EBAG9: variants seen among roughly 807,000 people sequenced by gnomAD.
EBAG9 encodes the protein estrogen receptor binding site associated antigen 9, also known as receptor-binding cancer antigen expressed on SiSo cells.
In EBAG9, 16 loss-of-function variants were observed where a neutral mutation model predicts 30.9. The observed-to-expected ratio is 0.52, with a 90% CI of 0.35 to 0.79. EBAG9 has a LOEUF of 0.79. EBAG9 is among the 30% of genes least tolerant of loss of function. EBAG9 has a pLI of 0.01. For missense variants in EBAG9, 197 were observed against 242.1 expected, an observed-to-expected ratio of 0.81 and a Z score of 1.24; for synonymous variants, 93 against 82.8, an observed-to-expected ratio of 1.12 and a Z score of -0.67.
chr8:109,544,663 T>G (rs1821347614), intron 1 of EBAG9, among the ~76,000 whole-genome samples: 2 of 152,212 alleles, frequency 1.3e-5, no homozygotes, highest in South Asian at 2.1e-4. Context: ...AGTAATGTTA[T>G]TCCTGTAAGT....
intron 1 of EBAG9, among the ~76,000 whole-genome samples, chr8:109,544,996 A>G (rs532445374): frequency 2.0e-5 from 3 of 152,240 alleles, no homozygotes; most frequent in East Asian, 1.9e-4. Flanking sequence ...ACTAAGATGT[A>G]TAAGAAAAAT....
intron 4 of EBAG9, among the ~76,000 whole-genome samples, chr8:109,555,795 T>G (rs1821586585): frequency 6.6e-6 from 1 of 152,186 alleles, no homozygotes; most frequent in Admixed American, 6.6e-5. Context: ...TGCTTGAGTA[T>G]TTTCGTTTTT....
At chr8:109,555,565 G>A (rs1460102012) in intron 4 of EBAG9, among the ~76,000 whole-genome samples, 1 of 152,116 alleles carries the variant, frequency 6.6e-6, no homozygotes, top group Admixed American at 6.6e-5. Flanking sequence ...TGGAGACTAA[G>A]GTGAATTGGA....
chr8:109,552,743 C>G (rs1194410963), intron 2 of EBAG9, among the ~76,000 whole-genome samples: 1 of 151,868 alleles, frequency 6.6e-6, no homozygotes, highest in Non-Finnish European at 1.5e-5. Context: ...GAAAACTGAC[C>G]ATATGTTAGG....
rs1165546989 is a variant in EBAG9 at position 109,563,270 on chromosome 8, T to C, written c.522-1169T>C. 4 of 1,010,770 alleles carry C rather than the reference T, an allele frequency of 4.0e-6. No homozygotes were observed. In the African/African-American group the frequency reaches 4.8e-5, roughly 12 times the overall value. The allele number at this position is 1,010,770 out of a possible 1,614,324, so 62.6% of individuals were successfully genotyped here. On this transcript the variant is annotated intron_variant, in intron 6 of 6. Coordinates refer to ENST00000337573, the MANE Select transcript of EBAG9 (RefSeq NM_004215.5). ...AGTTAATATTGAGCTCCCCCAGACATAGATAATCCACTTTGGATTTTTCTG... is the reference window on the plus strand; with the variant it reads ...AGTTAATATTGAGCTCCCCCAGACACAGATAATCCACTTTGGATTTTTCTG...
In EBAG9 at chr8:109,550,891, A is replaced by G; in HGVS notation, c.67A>G (p.Lys23Glu). The change falls in exon 2 of 7, where the codon AAG becomes GAG. Residue 23 changes from lysine to glutamate, a missense_variant. By Grantham distance (56) the Lys-to-Glu change is moderately conservative. Coordinates refer to ENST00000337573, the MANE Select transcript of EBAG9 (RefSeq NM_004215.5). Reference protein sequence around the residue: ...TCLATVFSFLKRLICRSGRGR... With the variant: ...TCLATVFSFLERLICRSGRGR... The stretch of plus-strand genomic sequence containing the variant: ...CCTAGCAACAGTATTCTCATTCCTA[A>G]AGAGATTAATATGCAGGTAAATAAG... 6.3e-7 allele frequency: 1 copy of G among 1,586,626 alleles called. No homozygotes were observed. Among genetic ancestry groups the G allele is most frequent in the Non-Finnish European group, 8.6e-7 (1 of 1,161,816 alleles).
intron 1 of EBAG9, among the ~76,000 whole-genome samples, chr8:109,547,262 A>G (rs1821403241): frequency 6.6e-6 from 1 of 152,184 alleles, no homozygotes. Context: ...GAAACTACCA[A>G]ATTGTTTTTC....
intron 2 of EBAG9, among the ~76,000 whole-genome samples, chr8:109,551,808 G>A (rs1268921777): frequency 6.6e-6 from 1 of 152,112 alleles, no homozygotes; most frequent in East Asian, 1.9e-4. Flanking sequence ...ATAAGAAGCT[G>A]TGCAGTGTTC....
intron 1 of EBAG9, among the ~76,000 whole-genome samples, chr8:109,545,385 A>T (rs575029509): frequency 1.3e-5 from 2 of 148,766 alleles, no homozygotes; most frequent in East Asian, 4.0e-4. Flanking sequence ...TTTTTTTGAA[A>T]TGGAGTCTCA....
chr8:109,554,916 T>G, intron 4 of EBAG9, 29 bp downstream of exon 4: 8 of 1,593,108 alleles, frequency 5.0e-6, no homozygotes, highest in Non-Finnish European at 6.9e-6. Flanking sequence ...TTTTGGAGAT[T>G]AAACTACTTT....
intron 3 of EBAG9, 46 bp from the exon 4 acceptor site, chr8:109,554,683 T>G: frequency 6.3e-7 from 1 of 1,578,398 alleles, no homozygotes; most frequent in East Asian, 2.2e-5. Context: ...GATGTGTTCA[T>G]TAAGTTGCCC....
At chr8:109,551,809 T>G (rs1039161257) in intron 2 of EBAG9, among the ~76,000 whole-genome samples, 4 of 152,328 alleles carry the variant, frequency 2.6e-5, no homozygotes, top group African/African-American at 9.6e-5. Context: ...TAAGAAGCTG[T>G]GCAGTGTTCA....
At position 109,548,764 on chromosome 8, in the gene EBAG9, G is replaced by T. The variant is rs1821434056; in HGVS notation, c.-15-2046G>T. Reference sequence around the variant, plus strand: ...ACGTTTCAATTTCTTATTGATTGTTGTTAACGTATAGAAATACAATTAATG... The same window carrying T: ...ACGTTTCAATTTCTTATTGATTGTTTTTAACGTATAGAAATACAATTAATG... On this transcript the variant is annotated intron_variant, in intron 1 of 6. Transcript: ENST00000337573. Among the ~76,000 whole-genome samples, 4 of 151,282 alleles carry T rather than the reference G, an allele frequency of 2.6e-5. No individual in the cohort carries two copies. The South Asian group carries it at 8.3e-4, about 31-fold the overall frequency.
intron 2 of EBAG9, among the ~76,000 whole-genome samples, chr8:109,551,788 A>G (rs573637111): frequency 6.6e-6 from 1 of 152,332 alleles, no homozygotes; most frequent in South Asian, 2.1e-4. Context: ...CTCCAGTCTT[A>G]TTCTAAGGCA....
chr8:109,555,759 G>C (rs916949127), intron 4 of EBAG9, among the ~76,000 whole-genome samples: 1 of 152,124 alleles, frequency 6.6e-6, no homozygotes, highest in East Asian at 1.9e-4. Context: ...ATTTAGAGAT[G>C]CAGGGAATTA....
At chr8:109,551,200 A>G (rs1821487579) in intron 2 of EBAG9, among the ~76,000 whole-genome samples, 1 of 152,070 alleles carries the variant, frequency 6.6e-6, no homozygotes, top group South Asian at 2.1e-4. Flanking sequence ...TCATCACAGA[A>G]CTTTGATGTA....
intron 3 of EBAG9, 64 bp downstream of exon 3, chr8:109,554,007 A>G: frequency 8.1e-7 from 1 of 1,232,824 alleles, no homozygotes; most frequent in Non-Finnish European, 1.1e-6. Flanking sequence ...AGTGTCCTAG[A>G]ACAATATTTT....
intron 6 of EBAG9, among the ~76,000 whole-genome samples, chr8:109,562,953 C>T (rs1471133638): frequency 1.3e-5 from 2 of 152,016 alleles, no homozygotes; most frequent in Non-Finnish European, 2.9e-5. Context: ...CAGCTAGTAA[C>T]CAGGTCAAAA....
chr8:109,557,142 T>TTTTGTAACTTTGAAACAGG, intron 5 of EBAG9, 100 bp downstream of exon 5: 1 of 667,546 alleles, frequency 1.5e-6, no homozygotes, highest in Non-Finnish European at 2.3e-6. Context: ...GTATTTATAT[T>TTTTGTAACTTTGAAACAGG]TTTGTAACTT....
Sources: allele counts gnomAD v4.1 joint callset (sites outside exome capture counted in the v4.1 genomes callset), GRCh38; gene constraint gnomAD v4.1.1; transcripts MANE v1.5; gene names NCBI Gene and HGNC (gene_info 2026-07-23, HGNC 2026-07-21).